Variants in SUGCT observed in about 807,000 individuals in gnomAD.
SUGCT encodes succinyl-CoA:glutarate-CoA transferase.
SUGCT carries 41 observed loss-of-function variants against 55.0 expected under a neutral mutation model. That is an observed-to-expected ratio of 0.74 (90% CI 0.58 to 0.97). The LOEUF is 0.97. SUGCT is among the 50% of genes least tolerant of loss of function. The pLI is 0.00. For missense variants in SUGCT, 568 were observed against 547.8 expected, an observed-to-expected ratio of 1.04 and a Z score of -0.37; for synonymous variants, 187 against 200.4, an observed-to-expected ratio of 0.93 and a Z score of 0.56.
chr7:40,511,467 T>A (rs1415849373), intron 12 of SUGCT, among the ~76,000 whole-genome samples: 2 of 152,156 alleles, frequency 1.3e-5, no homozygotes, highest in Non-Finnish European at 2.9e-5. Context: ...CATTACTGGG[T>A]CACTTGACAA....
Position 40,854,484 on chromosome 7 carries a change from CTCTTTCTTTCTT to C in SUGCT, c.1154-5823_1154-5812del, listed in dbSNP as rs150153135. Among the ~76,000 whole-genome samples the C allele has an allele frequency of 4.7e-5, 5 of 106,254 alleles. No individual in the cohort carries two copies. The East Asian group carries it at 1.2e-3, about 25-fold the overall frequency. 69.7% of individuals were successfully genotyped at this position (106,254 alleles called of 152,430 possible). A position where few individuals can be genotyped will look rare whatever the true frequency, so the allele number is the denominator to read the frequency against. ...TCTTTCTTTCTTTCTTTCTCTTTCTCTCTTTCTTTCTTTCTTTCTTGTCCATTGGCTTCTATA... is the reference window on the plus strand; with the variant it reads ...TCTTTCTTTCTTTCTTTCTCTTTCTCTCTTTCTTGTCCATTGGCTTCTATA... On this transcript the variant is annotated intron_variant, in intron 13 of 13. Transcript: ENST00000335693.
At chr7:40,622,597 G>A (rs1584147727) in intron 12 of SUGCT, among the ~76,000 whole-genome samples, 1 of 119,126 alleles carries the variant, frequency 8.4e-6, no homozygotes, top group South Asian at 2.9e-4. Context: ...ACACATATAT[G>A]CATACTGCTA....
intron 12 of SUGCT, among the ~76,000 whole-genome samples, chr7:40,529,350 A>G (rs1793966073): frequency 6.6e-6 from 1 of 152,166 alleles, no homozygotes; most frequent in African/African-American, 2.4e-5. Flanking sequence ...AACAGTGGAG[A>G]GCTTCCTCTC....
At chr7:40,385,846 A>G (rs1457869256) in intron 9 of SUGCT, among the ~76,000 whole-genome samples, 2 of 152,208 alleles carry the variant, frequency 1.3e-5, no homozygotes, top group East Asian at 3.8e-4. Context: ...TTATAAAACC[A>G]ATAATTTGTG....
At chr7:40,954,029 A>C in the SUGCT span, among the ~76,000 whole-genome samples, 2 of 152,244 alleles carry the variant, frequency 1.3e-5, no homozygotes, top group Admixed American at 6.5e-5. Context: ...CCTTTTGTTC[A>C]GCTATGCCCT....
chr7:40,662,437 T>C (rs1292311622), intron 12 of SUGCT, among the ~76,000 whole-genome samples: 4 of 152,224 alleles, frequency 2.6e-5, no homozygotes, highest in Non-Finnish European at 5.9e-5. Flanking sequence ...TTTATTATCA[T>C]AGGCTTCAAG....
chr7:40,300,378 T>G (rs1237632818), intron 8 of SUGCT, among the ~76,000 whole-genome samples: 2 of 152,110 alleles, frequency 1.3e-5, no homozygotes, highest in Non-Finnish European at 2.9e-5. Context: ...TAAAAAAGAT[T>G]AAAAAATTCT....
the SUGCT span, among the ~76,000 whole-genome samples, chr7:40,903,896 G>A: frequency 2.0e-5 from 3 of 152,166 alleles, no homozygotes; most frequent in Non-Finnish European, 2.9e-5. Flanking sequence ...CTTCTGCTCA[G>A]TAGCCATGAA....
At chr7:40,654,728 T>C (rs1800934936) in intron 12 of SUGCT, among the ~76,000 whole-genome samples, 1 of 152,172 alleles carries the variant, frequency 6.6e-6, no homozygotes, top group Admixed American at 6.5e-5. Flanking sequence ...TTTGGATAAT[T>C]GTGATGCCTT....
At chr7:40,224,282 A>C (rs1184983533) in intron 6 of SUGCT, among the ~76,000 whole-genome samples, 2 of 152,184 alleles carry the variant, frequency 1.3e-5, no homozygotes, top group African/African-American at 4.8e-5. Flanking sequence ...AAATATATTT[A>C]AATTCTTAAT....
In SUGCT at chr7:40,625,415, A is replaced by G. The variant is rs547818339; in HGVS notation, c.1090-124019A>G. Reference sequence around the variant, plus strand: ...AATTCTGAAGCCACTCTGCCACTGGAAGGTTCTTCTTGACTGCATTATTAC... The same window carrying G: ...AATTCTGAAGCCACTCTGCCACTGGGAGGTTCTTCTTGACTGCATTATTAC... On this transcript the variant is annotated intron_variant, in intron 12 of 13. Transcript: ENST00000335693. Among the ~76,000 whole-genome samples the G allele has an allele frequency of 2.0e-5, 3 of 152,124 alleles. No homozygotes were observed. The East Asian group carries it at 5.8e-4, about 29-fold the overall frequency.
chr7:40,966,054 T>A, the SUGCT span: 1 of 152,220 alleles, frequency 6.6e-6, no homozygotes, highest in Admixed American at 6.5e-5. Context: ...TCTATTTGCA[T>A]AGGACTGCAT....
chr7:40,877,869 C>CA, the SUGCT span, among the ~76,000 whole-genome samples: 8 of 152,240 alleles, frequency 5.3e-5, no homozygotes, highest in African/African-American at 1.7e-4. Flanking sequence ...GACATGGTGA[C>CA]AAAACCAGAC....
intron 12 of SUGCT, among the ~76,000 whole-genome samples, chr7:40,617,512 T>C (rs922061072): frequency 6.7e-5 from 10 of 148,258 alleles, no homozygotes; most frequent in South Asian, 2.2e-4. Context: ...TGTGTGTGTG[T>C]GCATGTTTTC....
At position 40,511,263 on chromosome 7, in the gene SUGCT, A is replaced by G. The variant is rs1298545806; in HGVS notation, c.1089+14877A>G. 5.3e-5 allele frequency among the ~76,000 whole-genome samples: 8 copies of G among 152,246 alleles called. No individual in the cohort carries two copies. In the East Asian group the frequency reaches 7.7e-4, roughly 15 times the overall value. On this transcript the variant is annotated intron_variant, in intron 12 of 13. Coordinates refer to ENST00000335693, the MANE Select transcript of SUGCT (RefSeq NM_001193313.2). ...TTCCTGCCCGAAATGCATGGCTTCA[A>G]TCTAATTGTGGGAAAACATCTGGCC...
chr7:40,398,062 T>C (rs372485991), intron 9 of SUGCT, among the ~76,000 whole-genome samples: 10 of 152,052 alleles, frequency 6.6e-5, no homozygotes, highest in African/African-American at 2.4e-4. Flanking sequence ...GGTCAGAGGG[T>C]TGAATATTCC....
At chr7:40,197,238 T>C (rs1786342165) in intron 6 of SUGCT, among the ~76,000 whole-genome samples, 1 of 152,200 alleles carries the variant, frequency 6.6e-6, no homozygotes, top group East Asian at 1.9e-4. Flanking sequence ...AGATCCATAA[T>C]CATATTTTCA....
At chr7:40,182,903 C>T (rs1785297310) in intron 3 of SUGCT, among the ~76,000 whole-genome samples, 1 of 151,988 alleles carries the variant, frequency 6.6e-6, no homozygotes, top group African/African-American at 2.4e-5. Context: ...AAGGGAAGGC[C>T]AGGAGAAAGG....
intron 10 of SUGCT, among the ~76,000 whole-genome samples, chr7:40,457,420 C>T (rs752788331): frequency 4.6e-5 from 7 of 151,686 alleles, no homozygotes; most frequent in Admixed American, 2.6e-4. Context: ...CTCCAGCCTA[C>T]GCAGCAGTGT....
Sources: allele counts gnomAD v4.1 joint callset (sites outside exome capture counted in the v4.1 genomes callset), GRCh38; gene constraint gnomAD v4.1.1; transcripts MANE v1.5; gene names NCBI Gene and HGNC (gene_info 2026-07-23, HGNC 2026-07-21).